SYT16: variants seen among roughly 807,000 people sequenced by gnomAD.
SYT16 encodes synaptotagmin-16.
SYT16 carries 42 observed loss-of-function variants against 61.4 expected under a neutral mutation model. That is an observed-to-expected ratio of 0.68 (90% confidence interval 0.53 to 0.89). The LOEUF (loss-of-function observed/expected upper bound fraction) is 0.89. SYT16 is among the 40% of genes least tolerant of loss of function. The pLI, the probability that SYT16 is intolerant of heterozygous loss-of-function variation, is 0.00. For synonymous variants in SYT16, 314 were observed against 302.3 expected (o/e 1.04, Z -0.40); for missense variants, 804 against 807.3 (o/e 1.00, Z 0.05).
intron 1 of SYT16, among the ~76,000 whole-genome samples, chr14:61,917,169 T>A (rs2049151905): frequency 6.6e-6 from 1 of 152,184 alleles, no homozygotes; most frequent in Non-Finnish European, 1.5e-5. Context: ...CATAATGAGA[T>A]TCTCAGATGG....
At chr14:61,888,660 T>C (rs1252833224) in intron 1 of SYT16, among the ~76,000 whole-genome samples, 1 of 152,126 alleles carries the variant, frequency 6.6e-6, no homozygotes, top group Non-Finnish European at 1.5e-5. Flanking sequence ...TTTGAAATTA[T>C]TGTGTGAATT....
intron 1 of SYT16, among the ~76,000 whole-genome samples, chr14:61,955,251 A>G (rs2050826927): frequency 1.3e-5 from 2 of 152,080 alleles, no homozygotes; most frequent in African/African-American, 4.8e-5. Context: ...TTGCCTCTAA[A>G]AGTTTCATAC....
chr14:61,953,989 G>T (rs2140482957), intron 1 of SYT16, among the ~76,000 whole-genome samples: 1 of 152,276 alleles, frequency 6.6e-6, no homozygotes, highest in Non-Finnish European at 1.5e-5. Context: ...TTTCTAAATG[G>T]ATGAGTGAAA....
chr14:61,876,517 A>G (rs1171346983), intron 1 of SYT16, among the ~76,000 whole-genome samples: 1 of 152,270 alleles, frequency 6.6e-6, no homozygotes, highest in Non-Finnish European at 1.5e-5. Context: ...CACAAAGCAG[A>G]AAACAAAATC....
At chr14:61,888,514 G>T (rs1237932366) in intron 1 of SYT16, among the ~76,000 whole-genome samples, 1 of 152,192 alleles carries the variant, frequency 6.6e-6, no homozygotes, top group East Asian at 1.9e-4. Context: ...GGAGTAGTCA[G>T]AAAACACACA....
At chr14:61,875,191 G>A (rs1051453503) in intron 1 of SYT16, among the ~76,000 whole-genome samples, 1 of 152,202 alleles carries the variant, frequency 6.6e-6, no homozygotes, top group Non-Finnish European at 1.5e-5. Context: ...TGCATCACCT[G>A]ATATCAGTGT....
chr14:62,087,426 T>G (rs1286207985), intron 7 of SYT16, among the ~76,000 whole-genome samples: 3 of 152,200 alleles, frequency 2.0e-5, no homozygotes, highest in Admixed American at 2.0e-4. Context: ...CAGCTTGTGG[T>G]TGAGGCTCTC....
At chr14:61,863,745 G>A (rs2047037909) in intron 1 of SYT16, among the ~76,000 whole-genome samples, 1 of 152,076 alleles carries the variant, frequency 6.6e-6, no homozygotes, top group Non-Finnish European at 1.5e-5. Flanking sequence ...GTAGTTTAGT[G>A]TTTTACATTT....
At chr14:62,075,543 C>G (rs2056458184) in intron 5 of SYT16, among the ~76,000 whole-genome samples, 152 bp downstream of exon 5, 2 of 147,520 alleles carry the variant, frequency 1.4e-5, no homozygotes, top group Admixed American at 6.7e-5. Context: ...GACCAAAATC[C>G]CATGCATGTC....
At chr14:61,956,580 C>CT (rs1336763075) in intron 1 of SYT16, among the ~76,000 whole-genome samples, 4 of 151,968 alleles carry the variant, frequency 2.6e-5, no homozygotes, top group Non-Finnish European at 5.9e-5. Context: ...ATTGCGTACT[C>CT]TTGACACCCT....
intron 1 of SYT16, among the ~76,000 whole-genome samples, chr14:61,891,028 G>A (rs150551265): frequency 0.011 from 1,697 of 152,242 alleles, 9 homozygotes; most frequent in Non-Finnish European, 0.017. Context: ...AGGAGGTGAC[G>A]TTTGTCTCCA....
chr14:62,082,387 T>G (rs757019049), intron 6 of SYT16, among the ~76,000 whole-genome samples: 13 of 152,206 alleles, frequency 8.5e-5, no homozygotes, highest in Non-Finnish European at 1.5e-4. Context: ...TCCATGTTGC[T>G]TAAAGGCAGT....
chr14:62,040,989 C>G (rs2054706955), intron 3 of SYT16, among the ~76,000 whole-genome samples: 1 of 152,066 alleles, frequency 6.6e-6, no homozygotes, highest in African/African-American at 2.4e-5. Context: ...ATCAATGGGT[C>G]CCACAATAGG....
chr14:61,966,911 A>G (rs1192894605), intron 1 of SYT16, among the ~76,000 whole-genome samples: 1 of 152,220 alleles, frequency 6.6e-6, no homozygotes, highest in Admixed American at 6.5e-5. Flanking sequence ...TCAGGCAACA[A>G]ATTATTTATT....
intron 3 of SYT16, among the ~76,000 whole-genome samples, chr14:62,014,032 C>G (rs1339589936): frequency 6.6e-6 from 1 of 152,086 alleles, no homozygotes; most frequent in Non-Finnish European, 1.5e-5. Flanking sequence ...CTGGACTCCA[C>G]TTGTTCCTGG....
chr14:62,074,490 A>G (rs1157672437), intron 4 of SYT16, among the ~76,000 whole-genome samples: 2 of 152,208 alleles, frequency 1.3e-5, no homozygotes, highest in Admixed American at 6.5e-5. Context: ...CAAGCCTAAT[A>G]TTTACGGAAG....
At chr14:61,864,835 G>T in intron 1 of SYT16, 1 of 1,029,962 alleles carries the variant, frequency 9.7e-7, no homozygotes, top group South Asian at 1.4e-5. Flanking sequence ...ATGACGGTGG[G>T]CCTTGCTATC....
In SYT16 at chr14:61,896,648, T is replaced by C. The variant is rs185639485; in HGVS notation, c.-324-73484T>C. 2.7e-3 allele frequency among the ~76,000 whole-genome samples: 414 copies of C among 152,352 alleles called. 3 individuals are homozygous for C. The highest frequency in any genetic ancestry group is 7.2e-3 in the Admixed American group (110 of 15,306). ...CAGAAAGAAATAGAGGTTTTTGGAC[T>C]GAATACATGCCCATTCAACATAGGC... On this transcript the variant is annotated intron_variant, in intron 1 of 7. Coordinates refer to ENST00000683842, the MANE Select transcript of SYT16 (RefSeq NM_001367656.1).
chr14:62,045,900 C>T (rs1471204163), intron 3 of SYT16, among the ~76,000 whole-genome samples: 1 of 152,162 alleles, frequency 6.6e-6, no homozygotes, highest in Non-Finnish European at 1.5e-5. Flanking sequence ...GTGAATAGTG[C>T]CGCAATAAAC....
Sources: gnomAD v4.1 joint callset for allele counts (sites outside exome capture counted in the v4.1 genomes callset) on GRCh38, gnomAD v4.1.1 for gene constraint, MANE v1.5 for transcripts, NCBI Gene and HGNC (gene_info 2026-07-23, HGNC 2026-07-21) for gene names.